The following INAVA variants were observed in gnomAD, a reference collection of about 807,000 sequenced individuals.
The protein encoded by INAVA is innate immunity activator, also known as innate immunity activator protein.
Under a neutral mutation model 55.3 loss-of-function variants are expected in INAVA, and 32 were observed. That is an observed-to-expected ratio of 0.58 (90% CI 0.44 to 0.78). INAVA has a LOEUF of 0.78. Among genes scored for constraint, INAVA ranks in the 30% least tolerant of loss-of-function variants. INAVA has a pLI of 0.00. For missense variants in INAVA, 756 were observed against 786.4 expected (o/e 0.96, Z 0.46); for synonymous variants, 294 against 329.4 (o/e 0.89, Z 1.16).
At chr1:200,912,256 G>A (rs1653784990) in intron 9 of INAVA, 119 bp downstream of exon 9, 3 of 987,738 alleles carry the variant, frequency 3.0e-6, no homozygotes, top group Admixed American at 3.0e-5. Context: ...TAGTGGCCGG[G>A]TAATCCCCGT....
At chr1:200,896,805 G>A (rs892351807) in intron 1 of INAVA, among the ~76,000 whole-genome samples, 16 of 152,230 alleles carry the variant, frequency 1.1e-4, no homozygotes, top group African/African-American at 3.4e-4. Context: ...TCCCAAGGCC[G>A]ACTTTTCTGT....
chr1:200,894,939 A>AGACG lies in INAVA; in HGVS notation c.-233_-230dup, dbSNP rs1228142099. ...GACGGCAAGGTAGGCAGGTGAGCCG[A>AGACG]GACGGACGGACGGCCAGCAGCTCCG... On this transcript the variant is annotated 5_prime_UTR_variant, in exon 1 of 10. Coordinates refer to ENST00000413687, the MANE Select transcript of INAVA (RefSeq NM_001142569.3). The AGACG allele has an allele frequency of 1.0e-6, 1 of 985,558 alleles. No individual in the cohort carries two copies. 61.1% of individuals were successfully genotyped at this position (985,558 alleles called of 1,614,324 possible).
upstream of INAVA, among the ~76,000 whole-genome samples, chr1:200,892,162 G>T (rs2102296046): frequency 6.6e-6 from 1 of 152,332 alleles, no homozygotes; most frequent in South Asian, 2.1e-4. Context: ...GCAGACGCGA[G>T]TAAGAAAACA....
chr1:200,895,180 G>A (rs1416479652), intron 1 of INAVA, 93 bp downstream of exon 1: 45 of 934,602 alleles, frequency 4.8e-5, no homozygotes, highest in Non-Finnish European at 5.1e-5. Flanking sequence ...ACCCCCCTCC[G>A]ACCCCCACCC....
chr1:200,891,865 C>T (rs1668245601), upstream of INAVA, among the ~76,000 whole-genome samples: 1 of 152,164 alleles, frequency 6.6e-6, no homozygotes, highest in Admixed American at 6.5e-5. Context: ...TGCACATTTC[C>T]AGTCCCTCAA....
chr1:200,912,191 G>A (rs1231848388), intron 9 of INAVA, 54 bp downstream of exon 9: 1 of 1,459,978 alleles, frequency 6.8e-7, no homozygotes, highest in South Asian at 1.3e-5. Flanking sequence ...GTTTTGTTGG[G>A]GAGGGGCTGC....
chr1:200,909,465 C>A lies in INAVA; in HGVS notation c.959+68C>A, dbSNP rs542900302. 3 of 1,356,102 alleles carry A rather than the reference C, an allele frequency of 2.2e-6. No individual in the cohort carries two copies. In the East Asian group the frequency reaches 8.4e-5, roughly 38 times the overall value. The allele number at this position is 1,356,102 out of a possible 1,614,324, so 84.0% of individuals were successfully genotyped here. A position where few individuals can be genotyped will look rare whatever the true frequency, so the allele number is the denominator to read the frequency against. On this transcript the variant is annotated intron_variant, in intron 8 of 9. Transcript: ENST00000413687. ...GCTTATCGTTGGAGGGTGGGAGCTC[C>A]CAGGACACAGGTGGGACAACCCTGG...
At chr1:200,907,696 C>A in intron 5 of INAVA, 138 bp from the exon 6 acceptor site, 1 of 591,052 alleles carries the variant, frequency 1.7e-6, no homozygotes, top group East Asian at 2.8e-5. Flanking sequence ...GTGTATTTAG[C>A]ACACAGAGGG....
upstream of INAVA, among the ~76,000 whole-genome samples, chr1:200,893,215 C>T (rs558827910): frequency 1.9e-3 from 292 of 152,332 alleles, 1 homozygote; most frequent in African/African-American, 6.8e-3. Flanking sequence ...GTTGTTTACA[C>T]TCAGCCCTTG....
upstream of INAVA, among the ~76,000 whole-genome samples, chr1:200,892,331 A>C (rs1048087762): frequency 6.6e-6 from 1 of 151,974 alleles, no homozygotes; most frequent in Non-Finnish European, 1.5e-5. Flanking sequence ...GCTGTTGGGG[A>C]TGTGAAGATG....
intron 9 of INAVA, among the ~76,000 whole-genome samples, chr1:200,912,969 C>G (rs1653812662): frequency 6.6e-6 from 1 of 152,110 alleles, no homozygotes; most frequent in Admixed American, 6.6e-5. Context: ...AGTGGGGAGC[C>G]ACACACAGGA....
intron 2 of INAVA, 90 bp from the exon 3 acceptor site, chr1:200,899,375 ATGTGTGTG>A: frequency 4.5e-6 from 3 of 671,450 alleles, no homozygotes; most frequent in Non-Finnish European, 7.1e-6. Context: ...GTGTGTGTGC[ATGTGTGTG>A]CATGTGCATT....
In INAVA at chr1:200,901,086, G is replaced by T. The variant is rs777884844; in HGVS notation, c.447G>T (p.Glu149Asp). 5.8e-6 allele frequency: 9 copies of T among 1,539,020 alleles called. No individual in the cohort carries two copies. In the African/African-American group the frequency reaches 1.1e-4, roughly 19 times the overall value. Reference protein sequence around the residue: ...SMLQEEKKLQELQRCLVERRR... With the variant: ...SMLQEEKKLQDLQRCLVERRR... Reference sequence around the variant, plus strand: ...TGCAGGAGGAGAAGAAGCTGCAGGAGCTCCAGCGCTGCCTGGTCGAGCGGC... The same window carrying T: ...TGCAGGAGGAGAAGAAGCTGCAGGATCTCCAGCGCTGCCTGGTCGAGCGGC... Residue 149 changes from glutamate to aspartate, a missense_variant, in exon 5 of 10, where the codon GAG (glutamate) becomes GAT (aspartate). Physicochemically the swap from Glu to Asp is conservative, Grantham distance 45 (BLOSUM62 2). Coordinates refer to ENST00000413687, the MANE Select transcript of INAVA (RefSeq NM_001142569.3).
chr1:200,895,110 G>C, intron 1 of INAVA, 23 bp downstream of exon 1: 1 of 985,734 alleles, frequency 1.0e-6, no homozygotes, highest in Non-Finnish European at 1.2e-6. Context: ...GAGGTGGAAT[G>C]GGTCTTTGGG....
At chr1:200,893,204 T>C (rs1224072295), upstream of INAVA, among the ~76,000 whole-genome samples, 2 of 152,232 alleles carry the variant, frequency 1.3e-5, no homozygotes, top group African/African-American at 4.8e-5. Context: ...AGTCTTGAAA[T>C]GTTGTTTACA....
At chr1:200,910,684 C>A (rs945186675) in intron 8 of INAVA, among the ~76,000 whole-genome samples, 1 of 152,230 alleles carries the variant, frequency 6.6e-6, no homozygotes, top group Admixed American at 6.5e-5. Flanking sequence ...CAGGTTCAAG[C>A]GATTCTCCTG....
In INAVA at chr1:200,895,060, C is replaced by T. The variant is rs1382299482; in HGVS notation, c.-122C>T. Reference sequence around the variant, plus strand: ...CTGACTGGAAGCAGGGGCTGTTTTTCAACTCCTGGACTAAAGCCCAGAAGC... The same window carrying T: ...CTGACTGGAAGCAGGGGCTGTTTTTTAACTCCTGGACTAAAGCCCAGAAGC... On this transcript the variant is annotated 5_prime_UTR_variant, in exon 1 of 10. Transcript: ENST00000413687. 4.1e-6 allele frequency: 4 copies of T among 985,532 alleles called. No homozygotes were observed. The Admixed American group carries it at 2.5e-4, about 61-fold the overall frequency. 61.0% of individuals were successfully genotyped at this position (985,532 alleles called of 1,614,324 possible).
In INAVA at chr1:200,911,632, C is replaced by G. The variant is rs1467571845; in HGVS notation, c.1139C>G (p.Ser380Cys). 3.2e-5 allele frequency: 51 copies of G among 1,613,946 alleles called. No homozygotes were observed. The highest frequency in any genetic ancestry group is 3.8e-5 in the Non-Finnish European group (45 of 1,179,960). Reference sequence around the variant, plus strand: ...AGTGGCTCTGACGTCTCCAGCATCTCCCACCCCACTTCGCCGGGCAGCAGC... The same window carrying G: ...AGTGGCTCTGACGTCTCCAGCATCTGCCACCCCACTTCGCCGGGCAGCAGC... ...EDSGSDVSSI[S>C]HPTSPGSSSP... The change falls in exon 9 of 10, where the codon TCC becomes TGC. Residue 380 changes from serine (S) to cysteine (C), a missense_variant. This residue lies in a region of INAVA where 639 missense variants were observed against 624.3 expected (regional missense o/e 1.02). Transcript: ENST00000413687.
intron 9 of INAVA, among the ~76,000 whole-genome samples, chr1:200,912,847 G>A (rs1416281120): frequency 6.6e-6 from 1 of 152,170 alleles, no homozygotes; most frequent in Non-Finnish European, 1.5e-5. Flanking sequence ...ATTATCATCT[G>A]GGGCCACAGA....
Sources: gnomAD v4.1 joint callset for allele counts (sites outside exome capture counted in the v4.1 genomes callset) on GRCh38, gnomAD v4.1.1 for gene constraint, gnomAD v4.1.1 regional missense constraint, MANE v1.5 for transcripts, NCBI Gene and HGNC (gene_info 2026-07-23, HGNC 2026-07-21) for gene names.